The following CHTF18 variants were observed in gnomAD, a reference collection of about 807,000 sequenced individuals.
The protein encoded by CHTF18 is chromosome transmission fidelity factor 18.
In CHTF18, 151 loss-of-function variants were observed where a neutral mutation model predicts 113.4. The ratio of observed to expected loss-of-function variants is 1.33; its 90% CI spans 1.17 to 1.52. The LOEUF is 1.52. Ranked by LOEUF, CHTF18 falls within the 40% of genes most tolerant of loss-of-function variation. The probability of loss-of-function intolerance (pLI) is 0.00; values close to 1 mark genes in which losing one functional copy is unlikely to be tolerated. For synonymous variants in CHTF18, 916 were observed against 598.8 expected (o/e 1.53, Z -7.74); for missense variants, 1,982 against 1,381.6 (o/e 1.43, Z -6.89).
Position 789,211 on chromosome 16 carries a change from C to T in CHTF18, c.288C>T (p.Ala96=), listed in dbSNP as rs750774979. The change falls in exon 3 of 22, where the codon GCC becomes GCT. Residue 96 remains alanine (A), a splice_region_variant and synonymous_variant. Transcript: ENST00000262315. ...GTTCCCTGCATGTGTCTCCCCCAGC[C>T]CCCAGGATCAAACGGCCTAGGCTGC... ...DLQPAGSLPH[A]PRIKRPRLQV... 1.4e-5 allele frequency: 21 copies of T among 1,551,062 alleles called. No homozygotes were observed. The highest frequency in any genetic ancestry group is 7.8e-5 in the Admixed American group (4 of 51,078).
chr16:792,482 C>T lies in CHTF18; in HGVS notation c.1370C>T (p.Pro457Leu), dbSNP rs750006772. ...CTGAGCATCCTGAACCGCAAGGGGC[C>T]ACAGGAGGTGGGGCCACAGGGCCCG... ...VLLSILNRKG[P>L]QEVGPQGPAV... Residue 457 changes from proline (P) to leucine (L), a missense_variant, in exon 11 of 22, where the codon CCA becomes CTA. Pro to Leu is a moderately conservative substitution (Grantham distance 98). Coordinates refer to ENST00000262315, the MANE Select transcript of CHTF18 (RefSeq NM_022092.3). The T allele has an allele frequency of 8.8e-6, 14 of 1,588,260 alleles. No individual in the cohort carries two copies. The highest frequency in any genetic ancestry group is 2.7e-5 in the African/African-American group (2 of 74,550).
At chr16:792,068 G>A in intron 9 of CHTF18, 120 bp downstream of exon 9, 1 of 1,536,900 alleles carries the variant, frequency 6.5e-7, no homozygotes, top group South Asian at 1.2e-5. Flanking sequence ...GCCTGGGTGT[G>A]TGGGCCGGGA....
intron 18 of CHTF18, 79 bp downstream of exon 18, chr16:796,156 C>G: frequency 6.6e-7 from 1 of 1,523,654 alleles, no homozygotes; most frequent in South Asian, 1.2e-5. Context: ...CGCATGGGGC[C>G]AGGAGTCTGA....
rs201902311 is a variant in CHTF18, at chr16:797,987, G to A, written c.*12G>A. 6.8e-5 allele frequency: 109 copies of A among 1,605,402 alleles called. No homozygotes were observed. The African/African-American group carries it at 9.7e-4, about 14-fold the overall frequency. On this transcript the variant is annotated 3_prime_UTR_variant, in exon 22 of 22. Coordinates refer to ENST00000262315, the MANE Select transcript of CHTF18 (RefSeq NM_022092.3). Reference sequence around the variant, plus strand: ...GGGACTTGCTCTAGTTCTCTGAGCCGCGGACATGCCCTCGCATTGCTTCCC... The same window carrying A: ...GGGACTTGCTCTAGTTCTCTGAGCCACGGACATGCCCTCGCATTGCTTCCC...
In CHTF18 at chr16:790,242, C is replaced by G. The variant is rs772096807; in HGVS notation, c.672C>G (p.Ala224=). The G allele has an allele frequency of 2.5e-6, 4 of 1,606,906 alleles. No individual in the cohort carries two copies. The highest frequency in any genetic ancestry group is 2.7e-5 in the African/African-American group (2 of 74,800). The stretch of plus-strand genomic sequence containing the variant: ...TGGACCTGCTGGGTGTGTCCTTAGC[C>G]TCCCTGAAGAAGCAGGTCGACGGCG... ...GQLDLLGVSL[A]SLKKQVDGER... is the part of the protein sequence containing the mutation. Residue 224 remains alanine, a synonymous_variant, in exon 5 of 22, where the codon GCC becomes GCG. Coordinates refer to ENST00000262315, the MANE Select transcript of CHTF18 (RefSeq NM_022092.3).
Position 792,090 on chromosome 16 carries a change from T to C in CHTF18, c.1203-134T>C, listed in dbSNP as rs1596755828. 95 of 1,531,628 alleles carry C rather than the reference T, an allele frequency of 6.2e-5. No homozygotes were observed. The East Asian group carries it at 2.3e-3, about 37-fold the overall frequency. 94.9% of individuals were successfully genotyped at this position (1,531,628 alleles called of 1,614,324 possible). A position where few individuals can be genotyped will look rare whatever the true frequency, so the allele number is the denominator to read the frequency against. On this transcript the variant is annotated intron_variant, in intron 9 of 21. Coordinates refer to ENST00000262315, the MANE Select transcript of CHTF18 (RefSeq NM_022092.3). ...TGTGTGGGCCGGGAAAACGTGTCCT[T>C]CCTCGGGGTTCACGGGATCGGCAGC...
chr16:797,104 G>A lies in CHTF18; in HGVS notation c.2733+12G>A. The A allele has an allele frequency of 6.7e-7, 1 of 1,502,848 alleles. No homozygotes were observed. The highest frequency in any genetic ancestry group is 1.3e-5 in the South Asian group (1 of 74,870). The allele number at this position is 1,502,848 out of a possible 1,614,324, so 93.1% of individuals were successfully genotyped here. On this transcript the variant is annotated intron_variant, in intron 20 of 21. Coordinates refer to ENST00000262315, the MANE Select transcript of CHTF18 (RefSeq NM_022092.3). ...CCCGGGAGGAACAGGTGTGGAATGG[G>A]CAGCTGTGGGGGTGGGACCAGGGTA...
Position 790,642 on chromosome 16 carries a change from C to A in CHTF18, c.870C>A (p.His290Gln), listed in dbSNP as rs2042171977. 2 of 1,591,932 alleles carry A rather than the reference C, an allele frequency of 1.3e-6. No individual in the cohort carries two copies. Among genetic ancestry groups the A allele is most frequent in the South Asian group, 1.1e-5 (1 of 87,198 alleles). ...GGGTGGATGAGTTTGCACCCCGCCA[C>A]TACACGGAGCTGCTCAGTGATGACG... ...CLWVDEFAPR[H>Q]YTELLSDDFT... The change falls in exon 7 of 22, where the codon CAC (histidine) becomes CAA (glutamine). Residue 290 changes from histidine to glutamine, a missense_variant. His to Gln is a conservative substitution (Grantham distance 24). Coordinates refer to ENST00000262315, the MANE Select transcript of CHTF18 (RefSeq NM_022092.3).
At position 797,791 on chromosome 16, in the gene CHTF18, G is replaced by A. The variant is rs2294452; in HGVS notation, c.2791+40G>A. On this transcript the variant is annotated intron_variant, in intron 21 of 21. Transcript: ENST00000262315. ...GTTGTGGGGTTGTGGGGGGCCTGGG[G>A]GTTGTGGGGGGGCCTTACAGCTGAG... 0.011 allele frequency: 17,570 copies of A among 1,584,506 alleles called. 1,169 individuals are homozygous for A. In the South Asian group the frequency reaches 0.14, roughly 12 times the overall value.
intron 1 of CHTF18, 40 bp downstream of exon 1, chr16:788,815 A>T: frequency 1.3e-6 from 2 of 1,566,798 alleles, no homozygotes; most frequent in Non-Finnish European, 1.7e-6. Flanking sequence ...GAGCTGCGAA[A>T]GCCGGGACAG....
chr16:795,052 TGTGGCGGGAGGTGGAGGGTCC>T, intron 15 of CHTF18, 59 bp from the exon 16 acceptor site: 1 of 1,137,976 alleles, frequency 8.8e-7, no homozygotes, highest in Non-Finnish European at 1.2e-6. Context: ...GTGGAGGGTC[TGTGGCGGGAGGTGGAGGGTCC>T]GTGGTGGTGC....
chr16:790,047 C>T (rs1326905689), intron 4 of CHTF18, 130 bp from the exon 5 acceptor site: 3 of 1,536,150 alleles, frequency 2.0e-6, no homozygotes, highest in Non-Finnish European at 1.7e-6. Context: ...GCACCCCTGT[C>T]CAGTCTCCCA....
In CHTF18 at chr16:790,954, G is replaced by C. The variant is rs899630768; in HGVS notation, c.895-207G>C. 248 of 1,435,260 alleles carry C rather than the reference G, an allele frequency of 1.7e-4. 1 individual carries two copies. Among genetic ancestry groups the C allele is most frequent in the Non-Finnish European group, 8.2e-5 (90 of 1,099,724 alleles). The allele number at this position is 1,435,260 out of a possible 1,614,324, so 88.9% of individuals were successfully genotyped here. Reference sequence around the variant, plus strand: ...ACTGGAGTGCCCCTGGGGAGGGCAGGGGCCTCCCAGATGGGTTGTGGCCAG... The same window carrying C: ...ACTGGAGTGCCCCTGGGGAGGGCAGCGGCCTCCCAGATGGGTTGTGGCCAG... On this transcript the variant is annotated intron_variant, in intron 7 of 21. Coordinates refer to ENST00000262315, the MANE Select transcript of CHTF18 (RefSeq NM_022092.3).
chr16:793,389 G>A lies in CHTF18; in HGVS notation c.1802+115G>A, dbSNP rs552406145. 4.2e-5 allele frequency: 57 copies of A among 1,368,874 alleles called. No homozygotes were observed. In the African/African-American group the frequency reaches 5.4e-4, roughly 13 times the overall value. 84.8% of individuals were successfully genotyped at this position (1,368,874 alleles called of 1,614,324 possible). ...GGCGGGGACTCAGTGTCCTGAGCCC[G>A]CGGTTGCCTGGTCCAGCCTCCAGGG... On this transcript the variant is annotated intron_variant, in intron 14 of 21. Coordinates refer to ENST00000262315, the MANE Select transcript of CHTF18 (RefSeq NM_022092.3).
At position 795,849 on chromosome 16, in the gene CHTF18, C is replaced by T. The variant is rs548410857; in HGVS notation, c.2325+15C>T. The T allele has an allele frequency of 2.9e-5, 46 of 1,607,692 alleles. No homozygotes were observed. Among genetic ancestry groups the T allele is most frequent in the African/African-American group, 5.3e-5 (4 of 74,814 alleles). ...AGCTCCGCCCCGTGAGTGCCGTCCCCGGGGTGGGGGATTCCCCGCCTGCTG... is the reference window on the plus strand; with the variant it reads ...AGCTCCGCCCCGTGAGTGCCGTCCCTGGGGTGGGGGATTCCCCGCCTGCTG... On this transcript the variant is annotated intron_variant, in intron 17 of 21. Coordinates refer to ENST00000262315, the MANE Select transcript of CHTF18 (RefSeq NM_022092.3).
In CHTF18 at chr16:797,846, G is replaced by A. The variant is rs371911391; in HGVS notation, c.2799G>A (p.Thr933=). The change falls in exon 22 of 22, where the codon ACG becomes ACA. Residue 933 remains threonine (T), a synonymous_variant. Transcript: ENST00000262315. The stretch of plus-strand genomic sequence containing the variant: ...AACCCTGTGGCCCCGCAGGGGACAC[G>A]GCCCCGGAGCAGGACTCAGTGGAGC... ...RSTAVPSAGD[T]APEQDSVERR... is the part of the protein sequence containing the mutation. 530 of 1,603,902 alleles carry A rather than the reference G, an allele frequency of 3.3e-4. No individual in the cohort carries two copies. The Middle Eastern group carries it at 3.6e-3, about 11-fold the overall frequency.
chr16:794,779 CT>C (rs2042292615), intron 15 of CHTF18: 2 of 303,434 alleles, frequency 6.6e-6, no homozygotes, highest in Non-Finnish European at 1.2e-5. Context: ...GTGGGCGGAA[CT>C]TCCTCAGGCA....
rs112771916 is a variant in CHTF18 at position 795,730 on chromosome 16, G to C, written c.2221G>C (p.Val741Leu). 12 of 1,607,124 alleles carry C rather than the reference G, an allele frequency of 7.5e-6. No homozygotes were observed. The highest frequency in any genetic ancestry group is 6.8e-6 in the Non-Finnish European group (8 of 1,178,166). The change falls in exon 17 of 22, where the codon GTG becomes CTG. Residue 741 changes from valine (V) to leucine (L), a missense_variant. Coordinates refer to ENST00000262315, the MANE Select transcript of CHTF18 (RefSeq NM_022092.3). ...GATGAGGAACCTGATCCAGACGCTG[G>C]TGTCCGGCATCGCGCCAGCCACGCG... ...SQMRNLIQTL[V>L]SGIAPATRSR...
chr16:789,197 G>C lies in CHTF18; in HGVS notation c.287-13G>C. 1.9e-6 allele frequency: 3 copies of C among 1,550,628 alleles called. No homozygotes were observed. Among genetic ancestry groups the C allele is most frequent in the Non-Finnish European group, 2.6e-6 (3 of 1,147,160 alleles). On this transcript the variant is annotated splice_polypyrimidine_tract_variant and intron_variant, in intron 2 of 21. Transcript: ENST00000262315. ...TGAGGAGGCCTCTGGTTCCCTGCATGTGTCTCCCCCAGCCCCCAGGATCAA... is the reference window on the plus strand; with the variant it reads ...TGAGGAGGCCTCTGGTTCCCTGCATCTGTCTCCCCCAGCCCCCAGGATCAA...
Sources: gnomAD v4.1 joint callset for allele counts on GRCh38, gnomAD v4.1.1 for gene constraint, MANE v1.5 for transcripts, NCBI Gene and HGNC (gene_info 2026-07-23, HGNC 2026-07-21) for gene names.